URI1: variants seen among roughly 807,000 people sequenced by gnomAD.
URI1 encodes unconventional prefoldin RPB5 interactor 1.
In URI1, 39 loss-of-function variants were observed where a neutral mutation model predicts 60.2. The observed-to-expected ratio is 0.65, with a 90% CI of 0.50 to 0.85. The LOEUF (loss-of-function observed/expected upper bound fraction) is 0.85. Ranked by LOEUF, URI1 falls within the 40% of genes least tolerant of loss-of-function variation. The pLI is 0.00. For synonymous variants in URI1, 251 were observed against 236.8 expected, an observed-to-expected ratio of 1.06 and a Z score of -0.55; for missense variants, 691 against 665.9, an observed-to-expected ratio of 1.04 and a Z score of -0.42.
intron 2 of URI1, among the ~76,000 whole-genome samples, chr19:29,982,146 C>T (rs1164260673): frequency 6.6e-6 from 1 of 152,174 alleles, no homozygotes. Flanking sequence ...CCTGGCCTCC[C>T]TTCATAAAGG....
chr19:29,953,175 C>T (rs2145261193), intron 1 of URI1, among the ~76,000 whole-genome samples: 1 of 152,250 alleles, frequency 6.6e-6, no homozygotes, highest in South Asian at 2.1e-4. Flanking sequence ...TCTGCGCTAA[C>T]CAATGTGGTA....
chr19:29,942,541 G>A lies in URI1; in HGVS notation c.-7G>A, dbSNP rs1448261660. 2 of 1,400,344 alleles carry A rather than the reference G, an allele frequency of 1.4e-6. No individual in the cohort carries two copies. The highest frequency in any genetic ancestry group is 2.9e-5 in the Admixed American group (1 of 33,936). The allele number at this position is 1,400,344 out of a possible 1,614,324, so 86.7% of individuals were successfully genotyped here. Reference sequence around the variant, plus strand: ...TCACACGCCGCGCTGAGGCCCGCGGGCCCGTCATGGAGGCGCCCACCGTGG... The same window carrying A: ...TCACACGCCGCGCTGAGGCCCGCGGACCCGTCATGGAGGCGCCCACCGTGG... On this transcript the variant is annotated 5_prime_UTR_variant, in exon 1 of 11. Transcript: ENST00000392271.
At chr19:29,988,757 GT>G (rs2055705762) in intron 4 of URI1, among the ~76,000 whole-genome samples, 1 of 152,174 alleles carries the variant, frequency 6.6e-6, no homozygotes, top group South Asian at 2.1e-4. Flanking sequence ...TTGTGTACAG[GT>G]TTTTGTGCGA....
chr19:30,013,442 A>T (rs2056048084), intron 10 of URI1, among the ~76,000 whole-genome samples: 1 of 152,152 alleles, frequency 6.6e-6, no homozygotes, highest in African/African-American at 2.4e-5. Context: ...TAATGATCTT[A>T]GGTGACCTGG....
chr19:29,949,776 G>GGC (rs886715128), intron 1 of URI1, among the ~76,000 whole-genome samples: 20 of 151,826 alleles, frequency 1.3e-4, no homozygotes, highest in African/African-American at 4.6e-4. Flanking sequence ...CAGGCGTGGC[G>GGC]GCGCGCGCCT....
rs141726965 is a variant in URI1 at position 30,004,505 on chromosome 19, T to C, written c.368-856T>C. 1,331 of 152,200 alleles carry C rather than the reference T, an allele frequency of 8.7e-3. 6 individuals carry two copies. The highest frequency in any genetic ancestry group is 0.02 in the Middle Eastern group (6 of 294). The allele number at this position is 152,200 out of a possible 1,614,324, so 9.4% of individuals were successfully genotyped here. On this transcript the variant is annotated intron_variant, in intron 4 of 10. Transcript: ENST00000392271. ...CATCCTCTTCTGATCTGCTTACTGA[T>C]TGAGTGCCTGTTGTAAAACAGTAGG...
At position 30,015,028 on chromosome 19, in the gene URI1, G is replaced by A. The variant is rs1167908717; in HGVS notation, c.1567G>A (p.Val523Ile). Residue 523 changes from valine to isoleucine, a missense_variant, in exon 11 of 11, where the codon GTT becomes ATT. Val to Ile is a conservative substitution (Grantham distance 29, BLOSUM62 3). Transcript: ENST00000392271. ...LEASEETGKRVSKFKAARLQQ... is the reference protein window; with the variant it reads ...LEASEETGKRISKFKAARLQQ... ...AGCATCTGAAGAAACTGGAAAGAGG[G>A]TTTCAAAGTTTAAAGCTGCCAGATT... 2.4e-5 allele frequency: 39 copies of A among 1,613,578 alleles called. No individual in the cohort carries two copies. The highest frequency in any genetic ancestry group is 4.0e-5 in the African/African-American group (3 of 74,908).
intron 2 of URI1, among the ~76,000 whole-genome samples, chr19:29,972,338 C>G (rs1435678396): frequency 6.6e-6 from 1 of 152,076 alleles, no homozygotes; most frequent in African/African-American, 2.4e-5. Flanking sequence ...CCATAATGGA[C>G]CATTCGCCTT....
intron 2 of URI1, among the ~76,000 whole-genome samples, chr19:29,982,468 T>A (rs2055611202): frequency 6.6e-6 from 1 of 152,208 alleles, no homozygotes; most frequent in Non-Finnish European, 1.5e-5. Context: ...GTGACTTTAA[T>A]ACTAGCTTCT....
intron 2 of URI1, among the ~76,000 whole-genome samples, chr19:29,982,198 T>C (rs1436067517): frequency 2.6e-5 from 4 of 152,216 alleles, no homozygotes; most frequent in Non-Finnish European, 5.9e-5. Context: ...TCTACTTTTG[T>C]ATTTTTAGAA....
At chr19:29,977,077 C>T (rs1457725286) in intron 2 of URI1, among the ~76,000 whole-genome samples, 1 of 150,810 alleles carries the variant, frequency 6.6e-6, no homozygotes, top group Non-Finnish European at 1.5e-5. Flanking sequence ...TAGGAAATAA[C>T]CAAGAAAGCA....
intron 1 of URI1, among the ~76,000 whole-genome samples, chr19:29,965,192 C>T (rs926833777): frequency 1.3e-5 from 2 of 152,164 alleles, no homozygotes; most frequent in African/African-American, 4.8e-5. Context: ...TCACCTCAGG[C>T]TCTGATGTCC....
intron 1 of URI1, chr19:29,956,394 C>G: frequency 1.4e-6 from 2 of 1,461,792 alleles, no homozygotes; most frequent in Non-Finnish European, 1.9e-6. Context: ...CTTTCTGTAG[C>G]TGGATAACTC....
At chr19:29,940,924 G>A (rs1160167453), upstream of URI1, among the ~76,000 whole-genome samples, 1 of 152,218 alleles carries the variant, frequency 6.6e-6, no homozygotes, top group African/African-American at 2.4e-5. Context: ...AGAGGATGGT[G>A]GTGGTAGAAG....
intron 2 of URI1, among the ~76,000 whole-genome samples, chr19:29,982,177 T>G (rs994902065): frequency 2.6e-5 from 4 of 152,212 alleles, no homozygotes; most frequent in Admixed American, 1.3e-4. Context: ...GGGCTGCATT[T>G]TAAGTGATCT....
In URI1 at chr19:29,990,090, A is replaced by C. The variant is rs563674497; in HGVS notation, c.367+3673A>C. 8.5e-5 allele frequency among the ~76,000 whole-genome samples: 13 copies of C among 152,228 alleles called. No homozygotes were observed. In the East Asian group the frequency reaches 2.5e-3, roughly 29 times the overall value. On this transcript the variant is annotated intron_variant, in intron 4 of 10. Coordinates refer to ENST00000392271, the MANE Select transcript of URI1 (RefSeq NM_003796.3). The stretch of plus-strand genomic sequence containing the variant: ...AGGTGTGGGGTTTAGGTCACGGTTC[A>C]TTTTTCTTGCATATGGATGTCCAGT...
Position 30,015,071 on chromosome 19 carries a change from C to T in URI1, c.*2C>T. On this transcript the variant is annotated 3_prime_UTR_variant, in exon 11 of 11. Coordinates refer to ENST00000392271, the MANE Select transcript of URI1 (RefSeq NM_003796.3). ...GCCAGATTGCAACAGAAAGACTAGG[C>T]CCTGTCTAGGAAATGGGAATTTACA... The T allele has an allele frequency of 6.2e-7, 1 of 1,610,878 alleles. No individual in the cohort carries two copies. Among genetic ancestry groups the T allele is most frequent in the Non-Finnish European group, 8.5e-7 (1 of 1,178,748 alleles).
intron 1 of URI1, among the ~76,000 whole-genome samples, chr19:29,949,442 A>G (rs2055149163): frequency 6.6e-6 from 1 of 150,982 alleles, no homozygotes. Flanking sequence ...AGCCGGGCAG[A>G]GGGGCTCCTC....
upstream of URI1, among the ~76,000 whole-genome samples, chr19:29,939,566 G>A (rs1006428299): frequency 4.6e-5 from 7 of 152,296 alleles, no homozygotes; most frequent in South Asian, 4.1e-4. Context: ...GAGCCACTGC[G>A]CCCGGCCAAA....
Sources: gnomAD v4.1 joint callset for allele counts (sites outside exome capture counted in the v4.1 genomes callset) on GRCh38, gnomAD v4.1.1 for gene constraint, MANE v1.5 for transcripts, NCBI Gene and HGNC (gene_info 2026-07-23, HGNC 2026-07-21) for gene names.